The following CACNA2D1 variants were observed in gnomAD, a reference collection of about 807,000 sequenced individuals.
CACNA2D1 encodes calcium voltage-gated channel auxiliary subunit alpha2delta 1, also known as voltage-dependent calcium channel subunit alpha-2/delta-1.
In CACNA2D1, 53 loss-of-function variants were observed where a neutral mutation model predicts 171.5. The observed-to-expected ratio is 0.31, with a 90% CI of 0.25 to 0.39. CACNA2D1 has a LOEUF of 0.39. CACNA2D1 is among the 10% of genes least tolerant of loss of function. The pLI is 1.00. For synonymous variants in CACNA2D1, 442 were observed against 443.1 expected (o/e 1.00, Z 0.03); for missense variants, 903 against 1,299.8 (o/e 0.69, Z 4.69).
chr7:82,006,740 T>TTAGTTATGATGTTAAA (rs1269488262), intron 16 of CACNA2D1, among the ~76,000 whole-genome samples: 1 of 152,082 alleles, frequency 6.6e-6, no homozygotes, highest in Non-Finnish European at 1.5e-5. Context: ...GAGTTACTCT[T>TTAGTTATGATGTTAAA]TTATGAGTTA....
At chr7:82,047,521 T>G (rs73703107) in intron 10 of CACNA2D1, among the ~76,000 whole-genome samples, 13,517 of 152,144 alleles carry the variant, frequency 0.089, 626 homozygotes, top group Middle Eastern at 0.19. Flanking sequence ...ATCATATGAG[T>G]GAGGATGACT....
chr7:82,072,566 A>T (rs1808453563), intron 7 of CACNA2D1, among the ~76,000 whole-genome samples: 1 of 151,454 alleles, frequency 6.6e-6, no homozygotes, highest in Non-Finnish European at 1.5e-5. Flanking sequence ...GAATGTCTAA[A>T]GCTTTATGGC....
intron 4 of CACNA2D1, among the ~76,000 whole-genome samples, chr7:82,145,043 C>A (rs187644352): frequency 3.1e-4 from 47 of 151,422 alleles, no homozygotes; most frequent in African/African-American, 9.7e-4. Flanking sequence ...TTTTGACACC[C>A]TGATTACTAA....
intron 10 of CACNA2D1, among the ~76,000 whole-genome samples, chr7:82,041,271 G>A (rs893493468): frequency 5.9e-5 from 9 of 151,856 alleles, no homozygotes; most frequent in African/African-American, 2.2e-4. Flanking sequence ...ATAGAAGAGA[G>A]GTAAAAAATA....
chr7:82,370,276 A>G (rs1822236071), intron 1 of CACNA2D1, among the ~76,000 whole-genome samples: 1 of 152,052 alleles, frequency 6.6e-6, no homozygotes, highest in Admixed American at 6.5e-5. Flanking sequence ...GACTGTCTAC[A>G]TAACAATCTA....
intron 7 of CACNA2D1, 74 bp from the exon 8 acceptor site, chr7:82,066,598 A>T: frequency 6.6e-7 from 1 of 1,515,714 alleles, no homozygotes; most frequent in Non-Finnish European, 8.8e-7. Context: ...GACTTTAAAA[A>T]TCACAAAAAG....
chr7:82,278,967 A>T (rs1210526426), intron 3 of CACNA2D1, among the ~76,000 whole-genome samples: 1 of 152,162 alleles, frequency 6.6e-6, no homozygotes. Flanking sequence ...CCTAAGCAAA[A>T]CCATGTGACT....
At chr7:82,216,794 C>T (rs1801141237) in intron 3 of CACNA2D1, among the ~76,000 whole-genome samples, 1 of 148,314 alleles carries the variant, frequency 6.7e-6, no homozygotes, top group Non-Finnish European at 1.5e-5. Context: ...AGCAAAGAAA[C>T]ATCCATAAAT....
At chr7:82,093,135 C>T (rs1238058452) in intron 6 of CACNA2D1, among the ~76,000 whole-genome samples, 1 of 152,170 alleles carries the variant, frequency 6.6e-6, no homozygotes, top group Admixed American at 6.5e-5. Context: ...TCCACCCTCT[C>T]ACAGACTGCA....
At chr7:82,182,601 T>C (rs192567689) in intron 3 of CACNA2D1, among the ~76,000 whole-genome samples, 2 of 151,908 alleles carry the variant, frequency 1.3e-5, no homozygotes, top group East Asian at 3.9e-4. Flanking sequence ...AAGGTAAATC[T>C]AAAAATCAAC....
intron 4 of CACNA2D1, among the ~76,000 whole-genome samples, chr7:82,167,546 C>A: frequency 6.6e-6 from 1 of 152,122 alleles, no homozygotes; most frequent in African/African-American, 2.4e-5. Context: ...AGCACAAAAA[C>A]GACCACTATC....
intron 5 of CACNA2D1, among the ~76,000 whole-genome samples, chr7:82,130,701 G>A (rs1399716634): frequency 6.6e-6 from 1 of 151,066 alleles, no homozygotes. Flanking sequence ...CAGAGCCTCA[G>A]GATTTATAAT....
chr7:82,178,096 AT>A (rs1796739973), intron 3 of CACNA2D1, among the ~76,000 whole-genome samples: 1 of 152,174 alleles, frequency 6.6e-6, no homozygotes, highest in South Asian at 2.1e-4. Flanking sequence ...TGCAAAACAT[AT>A]AAATAAAACT....
intron 3 of CACNA2D1, among the ~76,000 whole-genome samples, chr7:82,248,039 C>A (rs775258970): frequency 6.6e-6 from 1 of 152,190 alleles, no homozygotes. Context: ...ACCTTTAAAA[C>A]ACTGGGCATG....
intron 3 of CACNA2D1, among the ~76,000 whole-genome samples, chr7:82,300,927 G>A (rs1812921375): frequency 6.6e-6 from 1 of 152,126 alleles, no homozygotes; most frequent in Non-Finnish European, 1.5e-5. Context: ...ACTGGTGTTA[G>A]TGATTATAAT....
At chr7:82,235,201 A>G (rs1803423348) in intron 3 of CACNA2D1, among the ~76,000 whole-genome samples, 1 of 152,170 alleles carries the variant, frequency 6.6e-6, no homozygotes, top group African/African-American at 2.4e-5. Context: ...ACAAAGCAAT[A>G]AACGTTTTGT....
chr7:82,256,542 T>C (rs1213361183), intron 3 of CACNA2D1, among the ~76,000 whole-genome samples: 1 of 152,200 alleles, frequency 6.6e-6, no homozygotes, highest in Non-Finnish European at 1.5e-5. Flanking sequence ...CTACATGGTG[T>C]AGGAAAATAC....
At chr7:82,349,422 C>T in intron 2 of CACNA2D1, 146 bp downstream of exon 2, 2 of 753,944 alleles carry the variant, frequency 2.7e-6, no homozygotes, top group South Asian at 1.4e-5. Context: ...ACTAGCAGTA[C>T]CAATGGTTTC....
At chr7:82,133,571 C>G (rs957916602) in intron 5 of CACNA2D1, among the ~76,000 whole-genome samples, 1 of 152,114 alleles carries the variant, frequency 6.6e-6, no homozygotes, top group Non-Finnish European at 1.5e-5. Context: ...TTTTGGGAAT[C>G]TATCCTAAAA....
Sources: gnomAD v4.1 joint callset for allele counts (sites outside exome capture counted in the v4.1 genomes callset) on GRCh38, gnomAD v4.1.1 for gene constraint, MANE v1.5 for transcripts, NCBI Gene and HGNC (gene_info 2026-07-23, HGNC 2026-07-21) for gene names.